Variants in ROBO2 observed in about 807,000 individuals in gnomAD.
ROBO2 encodes the protein roundabout homolog 2.
ROBO2 carries 53 observed loss-of-function variants against 160.8 expected under a neutral mutation model. That is an observed-to-expected ratio of 0.33 (90% CI 0.26 to 0.41). The LOEUF is 0.41. ROBO2 is among the 10% of genes least tolerant of loss of function. The pLI is 1.00. For missense variants in ROBO2, 1,577 were observed against 1,722.4 expected, an observed-to-expected ratio of 0.92 and a Z score of 1.49; for synonymous variants, 664 against 611.7, an observed-to-expected ratio of 1.09 and a Z score of -1.26.
chr3:76,929,788 T>G (rs2077221595), intron 2 of ROBO2, among the ~76,000 whole-genome samples: 1 of 152,030 alleles, frequency 6.6e-6, no homozygotes, highest in Admixed American at 6.6e-5. Flanking sequence ...CTCCACTGTG[T>G]GTGGATCTCA....
At chr3:77,229,747 C>T (rs1580201703) in intron 2 of ROBO2, among the ~76,000 whole-genome samples, 1 of 151,858 alleles carries the variant, frequency 6.6e-6, no homozygotes, top group Non-Finnish European at 1.5e-5. Flanking sequence ...CCAGTGCTTG[C>T]TGCAGTCTGG....
chr3:76,627,023 T>C (rs186114961), intron 2 of ROBO2, among the ~76,000 whole-genome samples: 19 of 152,316 alleles, frequency 1.2e-4, no homozygotes, highest in Non-Finnish European at 2.1e-4. Flanking sequence ...CAATCTAATA[T>C]GCCTCTATTC....
chr3:76,055,805 C>T (rs948890552), intron 2 of ROBO2, among the ~76,000 whole-genome samples: 2 of 152,118 alleles, frequency 1.3e-5, no homozygotes, highest in Non-Finnish European at 2.9e-5. Context: ...TGTCGGCAGG[C>T]TGGAGTGCAG....
intron 2 of ROBO2, among the ~76,000 whole-genome samples, chr3:76,518,555 C>T (rs1006403387): frequency 6.6e-6 from 1 of 152,088 alleles, no homozygotes; most frequent in African/African-American, 2.4e-5. Context: ...TACTGTAGTA[C>T]TTAGCAGCAA....
chr3:76,146,279 C>A (rs2071884094), intron 2 of ROBO2, among the ~76,000 whole-genome samples: 2 of 151,946 alleles, frequency 1.3e-5, no homozygotes, highest in Non-Finnish European at 2.9e-5. Flanking sequence ...TATTATGTTT[C>A]TTTTAGGGAC....
At chr3:76,150,402 C>A (rs5011987) in intron 2 of ROBO2, among the ~76,000 whole-genome samples, 1 of 77,368 alleles carries the variant, frequency 1.3e-5, no homozygotes, top group Non-Finnish European at 2.6e-5. Flanking sequence ...AAACACACAT[C>A]TGTCTAAAGC....
At chr3:76,780,521 G>A (rs952575008) in intron 2 of ROBO2, among the ~76,000 whole-genome samples, 4 of 150,628 alleles carry the variant, frequency 2.7e-5, no homozygotes, top group Admixed American at 1.3e-4. Context: ...GACCCATGTC[G>A]AGAAGGTTTT....
intron 6 of ROBO2, among the ~76,000 whole-genome samples, chr3:77,535,863 A>G (rs1265651738): frequency 2.6e-5 from 4 of 152,186 alleles, no homozygotes; most frequent in African/African-American, 9.7e-5. Flanking sequence ...TGATTTCCAC[A>G]GTTACATGAT....
At chr3:77,335,586 C>A (rs1023055754) in intron 2 of ROBO2, among the ~76,000 whole-genome samples, 1 of 152,126 alleles carries the variant, frequency 6.6e-6, no homozygotes, top group Non-Finnish European at 1.5e-5. Flanking sequence ...TTACAATAGA[C>A]CCCAAGCCCA....
chr3:77,449,819 GC>G (rs1560866502), intron 2 of ROBO2, among the ~76,000 whole-genome samples: 1 of 152,020 alleles, frequency 6.6e-6, no homozygotes, highest in African/African-American at 2.4e-5. Flanking sequence ...CTCAAAAGGG[GC>G]CATAAGGGAT....
chr3:76,696,381 CTT>C (rs35396854), intron 2 of ROBO2, among the ~76,000 whole-genome samples: 52,609 of 135,874 alleles, frequency 0.39, 9,528 homozygotes, highest in East Asian at 0.58. Flanking sequence ...AAATGGATCT[CTT>C]TTTTTTTTTT....
chr3:77,361,662 T>C (rs1205907080), intron 2 of ROBO2, among the ~76,000 whole-genome samples: 2 of 152,110 alleles, frequency 1.3e-5, no homozygotes, highest in African/African-American at 2.4e-5. Flanking sequence ...GGGCCTCTTT[T>C]ATAAGGACAC....
exon 14 of ROBO2, chr3:77,574,513 C>A: frequency 6.2e-7 from 1 of 1,613,248 alleles, no homozygotes; most frequent in South Asian, 1.1e-5. Flanking sequence ...ATCGCCAACC[C>A]CAGTTTATCC....
intron 2 of ROBO2, among the ~76,000 whole-genome samples, chr3:76,989,935 T>C (rs1170556488): frequency 1.3e-5 from 2 of 152,146 alleles, no homozygotes; most frequent in Non-Finnish European, 2.9e-5. Context: ...TTATTCACTT[T>C]TGTTGCTCCT....
At chr3:76,079,266 T>C (rs1192445666) in intron 2 of ROBO2, among the ~76,000 whole-genome samples, 5 of 152,104 alleles carry the variant, frequency 3.3e-5, no homozygotes, top group African/African-American at 9.7e-5. Context: ...CAATCATTTA[T>C]TGCGTATTTC....
chr3:76,147,718 A>G (rs59174269), intron 2 of ROBO2, among the ~76,000 whole-genome samples: 6,470 of 151,950 alleles, frequency 0.043, 170 homozygotes, highest in Middle Eastern at 0.078. Context: ...AGGACCCTCA[A>G]TGCGTCTCCC....
intron 2 of ROBO2, among the ~76,000 whole-genome samples, chr3:77,293,441 C>G (rs1191453607): frequency 6.9e-6 from 1 of 145,210 alleles, no homozygotes; most frequent in African/African-American, 2.7e-5. Flanking sequence ...GGCTAGATCA[C>G]TAAAGACATA....
chr3:76,403,414 G>A (rs2077958624), intron 2 of ROBO2, among the ~76,000 whole-genome samples: 2 of 151,480 alleles, frequency 1.3e-5, no homozygotes, highest in Non-Finnish European at 3.0e-5. Flanking sequence ...TACCAAGAGA[G>A]GCATTCATTC....
chr3:76,125,651 C>T (rs914728099), intron 2 of ROBO2, among the ~76,000 whole-genome samples: 6 of 151,886 alleles, frequency 4.0e-5, no homozygotes, highest in African/African-American at 1.5e-4. Flanking sequence ...ATGTCTTCTA[C>T]TGAGAGGCAA....
Sources: gnomAD v4.1 joint callset for allele counts (sites outside exome capture counted in the v4.1 genomes callset) on GRCh38, gnomAD v4.1.1 for gene constraint, MANE v1.5 for transcripts, NCBI Gene and HGNC (gene_info 2026-07-23, HGNC 2026-07-21) for gene names.